Variants in ABCD2 observed in about 807,000 individuals in gnomAD.
ABCD2 encodes the protein ATP binding cassette subfamily D member 2.
Under a neutral mutation model 70.9 loss-of-function variants are expected in ABCD2, and 36 were observed. The observed-to-expected ratio is 0.51, with a 90% CI of 0.39 to 0.67. ABCD2 has a LOEUF of 0.67. Among genes scored for constraint, ABCD2 ranks in the 30% least tolerant of loss-of-function variants. The pLI, the probability that ABCD2 is intolerant of heterozygous loss-of-function variation, is 0.00. For missense variants in ABCD2, 729 were observed against 890.2 expected (o/e 0.82, Z 2.30); for synonymous variants, 304 against 306.9 (o/e 0.99, Z 0.10).
intron 5 of ABCD2, among the ~76,000 whole-genome samples, chr12:39,603,218 A>G (rs1941924486): frequency 6.6e-6 from 1 of 152,146 alleles, no homozygotes; most frequent in Non-Finnish European, 1.5e-5. Context: ...ATCAAGTCAA[A>G]TCATTTCTTT....
intron 7 of ABCD2, among the ~76,000 whole-genome samples, chr12:39,583,848 T>G (rs1941630063): frequency 6.6e-6 from 1 of 152,320 alleles, no homozygotes; most frequent in South Asian, 2.1e-4. Context: ...CCACAAAATA[T>G]ATGATCTCAT....
chr12:39,532,367 G>A, the ABCD2 span, among the ~76,000 whole-genome samples: 1 of 152,176 alleles, frequency 6.6e-6, no homozygotes, highest in Non-Finnish European at 1.5e-5. Flanking sequence ...TTGAAAAGCT[G>A]TTCAACATCT....
rs1475603583 is a variant in ABCD2 at position 39,550,985 on chromosome 12, C to T, written c.*2927G>A. On this transcript the variant is annotated 3_prime_UTR_variant, in exon 10 of 10. Transcript: ENST00000308666. ...ATAAAAACTAGGATATTCATTTATGCCTTTACTGACAGACCAAAACTTGAG... is the reference window on the plus strand; with the variant it reads ...ATAAAAACTAGGATATTCATTTATGTCTTTACTGACAGACCAAAACTTGAG... 6.6e-6 allele frequency: 1 copy of T among 151,600 alleles called. No homozygotes were observed. The highest frequency in any genetic ancestry group is 1.5e-5 in the Non-Finnish European group (1 of 67,634). 9.4% of individuals were successfully genotyped at this position (151,600 alleles called of 1,614,324 possible).
At chr12:39,592,498 T>C (rs1941759836) in intron 6 of ABCD2, among the ~76,000 whole-genome samples, 1 of 152,224 alleles carries the variant, frequency 6.6e-6, no homozygotes, top group Non-Finnish European at 1.5e-5. Flanking sequence ...CAGAGACATG[T>C]GGTTGCCTTT....
chr12:39,553,506 G>A lies in ABCD2; in HGVS notation c.*406C>T, dbSNP rs4294600. ...AATATCAACCATAAATGGACTAAATGTCACTCAAAGTTTGAATCTTATGCA... is the reference window on the plus strand; with the variant it reads ...AATATCAACCATAAATGGACTAAATATCACTCAAAGTTTGAATCTTATGCA... On this transcript the variant is annotated 3_prime_UTR_variant, in exon 10 of 10. Transcript: ENST00000308666. 0.1 allele frequency: 16,041 copies of A among 158,518 alleles called. 841 individuals are homozygous for A. The highest frequency in any genetic ancestry group is 0.15 in the East Asian group (837 of 5,408). 9.8% of individuals were successfully genotyped at this position (158,518 alleles called of 1,614,324 possible).
At chr12:39,533,799 G>C in the ABCD2 span, among the ~76,000 whole-genome samples, 1 of 152,190 alleles carries the variant, frequency 6.6e-6, no homozygotes, top group Non-Finnish European at 1.5e-5. Flanking sequence ...ACTATTCACA[G>C]CATCTTTAGG....
chr12:39,613,385 C>CAA (rs71075064), intron 2 of ABCD2, among the ~76,000 whole-genome samples: 561 of 23,666 alleles, frequency 0.024, 34 homozygotes, highest in African/African-American at 0.035. Context: ...GACTCCGTCT[C>CAA]AAAAAAAAAA....
At chr12:39,579,120 G>A (rs1941561058) in intron 8 of ABCD2, among the ~76,000 whole-genome samples, 1 of 152,200 alleles carries the variant, frequency 6.6e-6, no homozygotes, top group African/African-American at 2.4e-5. Context: ...CCAGCACTTT[G>A]GGAGGCCAAG....
chr12:39,588,098 T>C (rs1387209104), intron 6 of ABCD2, among the ~76,000 whole-genome samples: 1 of 152,174 alleles, frequency 6.6e-6, no homozygotes, highest in Non-Finnish European at 1.5e-5. Context: ...GATACAAACA[T>C]GCTGTGTGGG....
chr12:39,580,701 C>T (rs1941585099), intron 7 of ABCD2, among the ~76,000 whole-genome samples: 1 of 152,084 alleles, frequency 6.6e-6, no homozygotes, highest in Admixed American at 6.5e-5. Flanking sequence ...GATGCCAAAA[C>T]CTAACAGATA....
At chr12:39,593,833 G>T (rs1322578514) in intron 6 of ABCD2, among the ~76,000 whole-genome samples, 2 of 151,986 alleles carry the variant, frequency 1.3e-5, no homozygotes, top group African/African-American at 4.8e-5. Context: ...GACTATTTTT[G>T]AAAAATTCTT....
chr12:39,607,790 CA>C lies in ABCD2; in HGVS notation c.1121-77del. 5 of 920,546 alleles carry C rather than the reference CA, an allele frequency of 5.4e-6. No homozygotes were observed. The South Asian group carries it at 6.2e-5, about 11-fold the overall frequency. The allele number at this position is 920,546 out of a possible 1,614,324, so 57.0% of individuals were successfully genotyped here. A position where few individuals can be genotyped will look rare whatever the true frequency, so the allele number is the denominator to read the frequency against. On this transcript the variant is annotated intron_variant, in intron 2 of 9. Coordinates refer to ENST00000308666, the MANE Select transcript of ABCD2 (RefSeq NM_005164.4). ...TAGTAACTTAATGTTTTATATTATACAAACTAAATTGTGGCTAAAACAACCA... is the reference window on the plus strand; with the variant it reads ...TAGTAACTTAATGTTTTATATTATACAACTAAATTGTGGCTAAAACAACCA...
chr12:39,541,797 G>A, the ABCD2 span, among the ~76,000 whole-genome samples: 9 of 152,216 alleles, frequency 5.9e-5, no homozygotes, highest in East Asian at 1.5e-3. Context: ...TGCTGTAAAA[G>A]TATTACCATA....
At chr12:39,580,439 G>A (rs1941581542) in intron 7 of ABCD2, among the ~76,000 whole-genome samples, 1 of 152,100 alleles carries the variant, frequency 6.6e-6, no homozygotes, top group African/African-American at 2.4e-5. Flanking sequence ...ATATGAAAAT[G>A]TGCCCAGAAT....
At position 39,604,931 on chromosome 12, in the gene ABCD2, C is replaced by A. The variant is rs779299135; in HGVS notation, c.1237-1G>T. The A allele has an allele frequency of 1.3e-6, 2 of 1,571,452 alleles. No homozygotes were observed. Among genetic ancestry groups the A allele is most frequent in the Admixed American group, 2.0e-5 (1 of 50,140 alleles). On this transcript the variant is annotated splice_acceptor_variant, in intron 3 of 9. Transcript: ENST00000308666. LOFTEE classifies it high-confidence loss of function. ...CAGTGTAGCCTGCTAATTCAGTGAC[C>A]TAAAAGCAACACAGAGATATAAAAT... is the stretch of plus-strand genomic sequence containing the variant.
chr12:39,612,170 A>C (rs767697490), intron 2 of ABCD2, among the ~76,000 whole-genome samples: 1 of 152,318 alleles, frequency 6.6e-6, no homozygotes, highest in Non-Finnish European at 1.5e-5. Context: ...CTGTTTTACA[A>C]AATCTGCTAA....
At chr12:39,540,342 A>T in the ABCD2 span, among the ~76,000 whole-genome samples, 11 of 152,214 alleles carry the variant, frequency 7.2e-5, no homozygotes, top group African/African-American at 2.2e-4. Context: ...ATAAATTCTC[A>T]TCAGATGGGT....
intron 7 of ABCD2, among the ~76,000 whole-genome samples, chr12:39,581,476 A>AT: frequency 6.6e-6 from 1 of 152,194 alleles, no homozygotes; most frequent in African/African-American, 2.4e-5. Context: ...ACAAATCCTT[A>AT]AAATTTTATG....
chr12:39,533,147 A>G, the ABCD2 span, among the ~76,000 whole-genome samples: 2,358 of 152,190 alleles, frequency 0.015, 77 homozygotes, highest in African/African-American at 0.052. Flanking sequence ...CCTGGGTGAC[A>G]AGAGCACGAC....
Sources: gnomAD v4.1 joint callset for allele counts (sites outside exome capture counted in the v4.1 genomes callset) on GRCh38, gnomAD v4.1.1 for gene constraint, MANE v1.5 for transcripts, NCBI Gene and HGNC (gene_info 2026-07-23, HGNC 2026-07-21) for gene names.